The following LYPD6B variants were observed in gnomAD, a reference collection of about 807,000 sequenced individuals.
LYPD6B encodes ly6/PLAUR domain-containing protein 6B.
A neutral mutation model predicts 22.8 loss-of-function variants in LYPD6B; 17 were observed. The ratio of observed to expected loss-of-function variants is 0.75; its 90% CI spans 0.51 to 1.12. The LOEUF is 1.12. Ranked by LOEUF, LYPD6B falls within the 50% of genes most tolerant of loss-of-function variation. The pLI is 0.00. For synonymous variants in LYPD6B, 106 were observed against 91.6 expected (o/e 1.16, Z -0.90); for missense variants, 221 against 258.3 (o/e 0.86, Z 0.99).
chr2:149,210,564 T>C (rs1274773517), intron 5 of LYPD6B, among the ~76,000 whole-genome samples: 1 of 152,264 alleles, frequency 6.6e-6, no homozygotes, highest in Non-Finnish European at 1.5e-5. Context: ...CGGCTATTGT[T>C]CTTTGTCATC....
chr2:149,138,819 A>G (rs1559025270), intron 2 of LYPD6B, among the ~76,000 whole-genome samples: 1 of 152,236 alleles, frequency 6.6e-6, no homozygotes, highest in Admixed American at 6.5e-5. Context: ...AAGTGCTAGG[A>G]TTACACAGAT....
chr2:149,101,754 A>G (rs1027121186), intron 1 of LYPD6B, among the ~76,000 whole-genome samples: 3 of 152,204 alleles, frequency 2.0e-5, no homozygotes, highest in Non-Finnish European at 4.4e-5. Flanking sequence ...CCAGGTCCTC[A>G]GAGTAGGTCA....
chr2:149,085,471 G>GT (rs762736091), intron 1 of LYPD6B, among the ~76,000 whole-genome samples: 5 of 152,196 alleles, frequency 3.3e-5, no homozygotes, highest in Non-Finnish European at 7.3e-5. Context: ...TAATAGAATT[G>GT]TTTATTTTTT....
chr2:149,103,571 T>C (rs1686317626), intron 1 of LYPD6B, among the ~76,000 whole-genome samples: 1 of 152,028 alleles, frequency 6.6e-6, no homozygotes, highest in South Asian at 2.1e-4. Context: ...ATCTGTGAAA[T>C]TATCACCTCA....
chr2:149,214,656 C>T lies in LYPD6B; in HGVS notation c.570C>T (p.Ala190=), dbSNP rs757375587. 7 of 1,613,822 alleles carry T rather than the reference C, an allele frequency of 4.3e-6. No homozygotes were observed. In the African/African-American group the frequency reaches 9.3e-5, roughly 22 times the overall value. ...MHAQRTSGSS[A]PTLYLPVLAW... Reference sequence around the variant, plus strand: ...CTCAGAGAACATCTGGCAGCAGTGCCCCCACACTCTACCTACCAGTGCTTG... The same window carrying T: ...CTCAGAGAACATCTGGCAGCAGTGCTCCCACACTCTACCTACCAGTGCTTG... Residue 190 remains alanine, a synonymous_variant, in exon 7 of 7, where the codon GCC becomes GCT. Coordinates refer to ENST00000409642, the MANE Select transcript of LYPD6B (RefSeq NM_177964.5).
At chr2:149,210,791 T>C (rs1034443605) in intron 5 of LYPD6B, among the ~76,000 whole-genome samples, 3 of 152,220 alleles carry the variant, frequency 2.0e-5, no homozygotes, top group African/African-American at 7.2e-5. Flanking sequence ...GAGTGGAAAT[T>C]GAAATGTTTT....
intron 3 of LYPD6B, among the ~76,000 whole-genome samples, chr2:149,177,000 C>T (rs1182213099): frequency 2.6e-5 from 4 of 152,194 alleles, no homozygotes; most frequent in Non-Finnish European, 5.9e-5. Flanking sequence ...CTTTCATCCT[C>T]AGTTGAATTG....
chr2:149,108,985 A>AT (rs1174302954), intron 1 of LYPD6B, among the ~76,000 whole-genome samples: 4 of 152,056 alleles, frequency 2.6e-5, no homozygotes, highest in Non-Finnish European at 5.9e-5. Context: ...CCTTTATACT[A>AT]TTTTTTGTCA....
chr2:149,052,415 A>T (rs1462757340), intron 1 of LYPD6B, among the ~76,000 whole-genome samples: 1 of 152,168 alleles, frequency 6.6e-6, no homozygotes, highest in Non-Finnish European at 1.5e-5. Flanking sequence ...CCAAATGAGG[A>T]GGTCAGCAAG....
intron 3 of LYPD6B, among the ~76,000 whole-genome samples, chr2:149,169,430 C>T (rs1389061025): frequency 6.6e-6 from 1 of 152,184 alleles, no homozygotes; most frequent in Non-Finnish European, 1.5e-5. Flanking sequence ...GGATAAGGTT[C>T]TCAATTGTCA....
intron 1 of LYPD6B, among the ~76,000 whole-genome samples, chr2:149,070,701 C>A (rs1358867068): frequency 6.8e-6 from 1 of 146,630 alleles, no homozygotes; most frequent in Non-Finnish European, 1.5e-5. Context: ...CTGTATAGAA[C>A]AGCCTGTGAT....
chr2:149,057,315 C>A (rs1683849588), intron 1 of LYPD6B, among the ~76,000 whole-genome samples: 1 of 151,956 alleles, frequency 6.6e-6, no homozygotes, highest in Non-Finnish European at 1.5e-5. Flanking sequence ...TGAATTGTCT[C>A]CACAAACCTT....
chr2:149,134,204 T>C (rs889080150), intron 2 of LYPD6B, among the ~76,000 whole-genome samples: 2 of 151,954 alleles, frequency 1.3e-5, no homozygotes, highest in Non-Finnish European at 2.9e-5. Context: ...TGGGATGGAG[T>C]CAGCTTATCC....
chr2:149,158,193 G>C (rs1213194576), intron 2 of LYPD6B, among the ~76,000 whole-genome samples: 2 of 152,064 alleles, frequency 1.3e-5, no homozygotes, highest in African/African-American at 4.8e-5. Context: ...TCTTACATAT[G>C]GTTCTTAAGA....
At chr2:149,121,069 G>A (rs1687324548) in intron 1 of LYPD6B, among the ~76,000 whole-genome samples, 2 of 152,124 alleles carry the variant, frequency 1.3e-5, no homozygotes, top group African/African-American at 4.8e-5. Flanking sequence ...TGCGATTACA[G>A]GTATGAGCGA....
Position 149,204,903 on chromosome 2 carries a change from A to T in LYPD6B, c.78-350A>T, listed in dbSNP as rs553135000. On this transcript the variant is annotated intron_variant, in intron 3 of 6. Transcript: ENST00000409642. Reference sequence around the variant, plus strand: ...TCAACATGCCTCAGAACCACGGTTGATTTGAGAAATCCAGTGATTCAGCAC... The same window carrying T: ...TCAACATGCCTCAGAACCACGGTTGTTTTGAGAAATCCAGTGATTCAGCAC... 2.1e-5 allele frequency: 4 copies of T among 189,392 alleles called. No individual in the cohort carries two copies. In the East Asian group the frequency reaches 5.3e-4, roughly 25 times the overall value. The allele number at this position is 189,392 out of a possible 1,614,324, so 11.7% of individuals were successfully genotyped here.
intron 1 of LYPD6B, among the ~76,000 whole-genome samples, chr2:149,072,067 G>A (rs1485067648): frequency 6.6e-6 from 1 of 152,072 alleles, no homozygotes; most frequent in Non-Finnish European, 1.5e-5. Context: ...GAGTAGTTGG[G>A]ATTACAGGCA....
intron 3 of LYPD6B, among the ~76,000 whole-genome samples, chr2:149,189,356 A>ATATATATATATATATATATATATG (rs1692339535): frequency 1.2e-5 from 1 of 83,234 alleles, no homozygotes; most frequent in Non-Finnish European, 2.8e-5. Context: ...ATATATATAT[A>ATATATATATATATATATATATATG]TATATATATA....
At chr2:149,208,271 G>A (rs776677864) in intron 4 of LYPD6B, 43 bp from the exon 5 acceptor site, 14 of 1,492,226 alleles carry the variant, frequency 9.4e-6, no homozygotes, top group African/African-American at 1.4e-5. Context: ...CGAAATTTTT[G>A]TCTTCTGTAG....
Sources: allele counts gnomAD v4.1 joint callset (sites outside exome capture counted in the v4.1 genomes callset), GRCh38; gene constraint gnomAD v4.1.1; transcripts MANE v1.5; gene names NCBI Gene and HGNC (gene_info 2026-07-23, HGNC 2026-07-21).